The following WBP2NL variants were observed in gnomAD, a reference collection of about 807,000 sequenced individuals.
WBP2NL encodes WBP2 N-terminal like, also known as postacrosomal sheath WW domain-binding protein.
In WBP2NL, 27 loss-of-function variants were observed where a neutral mutation model predicts 23.3. The observed-to-expected ratio is 1.16, with a 90% CI of 0.85 to 1.60. The LOEUF (loss-of-function observed/expected upper bound fraction) is 1.60. WBP2NL is among the 40% of genes most tolerant of loss of function. The pLI, the probability that WBP2NL is intolerant of heterozygous loss-of-function variation, is 0.00. For synonymous variants in WBP2NL, 151 were observed against 145.9 expected, an observed-to-expected ratio of 1.03 and a Z score of -0.25; for missense variants, 370 against 389.5, an observed-to-expected ratio of 0.95 and a Z score of 0.42.
intron 5 of WBP2NL, among the ~76,000 whole-genome samples, chr22:42,024,505 T>C (rs534982424): frequency 6.7e-6 from 1 of 149,300 alleles, no homozygotes; most frequent in Non-Finnish European, 1.5e-5. Context: ...TTCCTTTTTT[T>C]AAAAAAAAAA....
intron 1 of WBP2NL, among the ~76,000 whole-genome samples, chr22:42,012,514 C>T (rs73418934): frequency 0.05 from 7,649 of 152,028 alleles, 628 homozygotes; most frequent in African/African-American, 0.17. Flanking sequence ...GGCAGTTTTC[C>T]TTGTGCTGTT....
chr22:42,026,668 C>A, intron 5 of WBP2NL, 98 bp from the exon 6 acceptor site: 1 of 1,516,786 alleles, frequency 6.6e-7, no homozygotes, highest in East Asian at 2.3e-5. Flanking sequence ...TCTCTTCTTG[C>A]GTCAGTTTGC....
At chr22:42,003,671 C>T (rs1921930614) in intron 1 of WBP2NL, among the ~76,000 whole-genome samples, 1 of 152,062 alleles carries the variant, frequency 6.6e-6, no homozygotes. Context: ...TCAAAAAGAT[C>T]ATGGAAAATA....
chr22:42,034,232 G>A (rs565665701), downstream of WBP2NL, among the ~76,000 whole-genome samples: 20 of 152,234 alleles, frequency 1.3e-4, no homozygotes, highest in Non-Finnish European at 2.2e-4. Context: ...AGGGGGTATC[G>A]GGGGACCTGC....
intron 1 of WBP2NL, among the ~76,000 whole-genome samples, chr22:42,013,620 T>C (rs970918291): frequency 6.6e-6 from 1 of 152,040 alleles, no homozygotes; most frequent in African/African-American, 2.4e-5. Flanking sequence ...TTGGCCATTA[T>C]TTATTTATTT....
downstream of WBP2NL, chr22:42,032,784 G>A (rs943841214): frequency 8.5e-6 from 4 of 469,786 alleles, no homozygotes; most frequent in Non-Finnish European, 1.8e-5. Flanking sequence ...TTAGAAAGAA[G>A]GGGTTCTGTC....
chr22:42,056,504 A>T (rs1926035969), intron 8 of WBP2NL, among the ~76,000 whole-genome samples: 3 of 152,134 alleles, frequency 2.0e-5, no homozygotes, highest in African/African-American at 7.2e-5. Context: ...TCAAGTTACT[A>T]GTTTCCTTCC....
At chr22:42,057,826 CATATAT>C (rs3045495) in intron 8 of WBP2NL, among the ~76,000 whole-genome samples, 41,062 of 97,436 alleles carry the variant, frequency 0.42, 9,552 homozygotes, top group East Asian at 0.85. Context: ...GTATTAAGGT[CATATAT>C]ATATATATAT....
At chr22:42,049,699 AC>A (rs1305300596) in intron 8 of WBP2NL, among the ~76,000 whole-genome samples, 4,834 of 88,942 alleles carry the variant, frequency 0.054, 535 homozygotes, top group African/African-American at 0.14. Flanking sequence ...CCAAAACAAA[AC>A]AAAACAAAAA....
chr22:42,037,663 A>G (rs1925235876), downstream of WBP2NL, among the ~76,000 whole-genome samples: 1 of 152,026 alleles, frequency 6.6e-6, no homozygotes, highest in Non-Finnish European at 1.5e-5. Flanking sequence ...ATTCCTAAGT[A>G]TTTTAAAATT....
At chr22:42,051,854 C>T (rs988168283) in intron 8 of WBP2NL, among the ~76,000 whole-genome samples, 7 of 152,156 alleles carry the variant, frequency 4.6e-5, no homozygotes, top group Non-Finnish European at 8.8e-5. Flanking sequence ...TCACTTAATT[C>T]CTGAGCGATA....
chr22:42,026,827 A>G lies in WBP2NL; in HGVS notation c.576A>G (p.Pro192=). 2.5e-6 allele frequency: 4 copies of G among 1,613,580 alleles called. No individual in the cohort carries two copies. Among genetic ancestry groups the G allele is most frequent in the Non-Finnish European group, 3.4e-6 (4 of 1,179,826 alleles). Residue 192 remains proline, a synonymous_variant, in exon 6 of 6, where the codon CCA becomes CCG. Transcript: ENST00000328823. ...CCCCACCTCCCGGATACGGAGCCCC[A>G]CCTGCAGGATATGGAGCCCAACCCG... ...YGAPPPGYGA[P]PAGYGAQPVG...
chr22:42,045,666 C>T (rs1382784344), intron 8 of WBP2NL, among the ~76,000 whole-genome samples: 1 of 152,126 alleles, frequency 6.6e-6, no homozygotes, highest in Admixed American at 6.5e-5. Flanking sequence ...CAAGAAGAAA[C>T]AGACAATCTC....
At chr22:42,057,855 ATG>A (rs535970802) in intron 8 of WBP2NL, among the ~76,000 whole-genome samples, 1,567 of 112,996 alleles carry the variant, frequency 0.014, 47 homozygotes, top group African/African-American at 0.054. Context: ...ATACACATAT[ATG>A]TGTGTGTGTA....
At chr22:42,023,777 G>C (rs954788650) in intron 5 of WBP2NL, among the ~76,000 whole-genome samples, 1 of 151,974 alleles carries the variant, frequency 6.6e-6, no homozygotes, top group Admixed American at 6.6e-5. Flanking sequence ...TTACAGGCTT[G>C]AGCCACCACA....
chr22:42,033,672 A>G (rs538169797), downstream of WBP2NL, among the ~76,000 whole-genome samples: 28 of 152,126 alleles, frequency 1.8e-4, no homozygotes, highest in African/African-American at 6.5e-4. Flanking sequence ...AGCAGAGAGG[A>G]GGCCCTGGAG....
chr22:42,040,787 C>A (rs1372772559), intron 8 of WBP2NL, among the ~76,000 whole-genome samples: 1 of 152,164 alleles, frequency 6.6e-6, no homozygotes, highest in Non-Finnish European at 1.5e-5. Context: ...GGTATTATTT[C>A]AATCTTCTTA....
intron 1 of WBP2NL, among the ~76,000 whole-genome samples, chr22:42,007,381 A>G (rs1055531808): frequency 3.3e-5 from 5 of 152,214 alleles, no homozygotes; most frequent in African/African-American, 1.2e-4. Context: ...AAAAATATTT[A>G]TTGAAAATAT....
intron 1 of WBP2NL, 134 bp downstream of exon 1, chr22:41,999,014 A>C: frequency 6.1e-6 from 6 of 977,532 alleles, no homozygotes; most frequent in South Asian, 4.2e-5. Context: ...TCCGCCCCCG[A>C]CCTTTGGGAG....
Sources: allele counts gnomAD v4.1 joint callset (sites outside exome capture counted in the v4.1 genomes callset), GRCh38; gene constraint gnomAD v4.1.1; transcripts MANE v1.5; gene names NCBI Gene and HGNC (gene_info 2026-07-23, HGNC 2026-07-21).